PCDHGA6: variants seen among roughly 807,000 people sequenced by gnomAD.
PCDHGA6 encodes protocadherin gamma subfamily A, 6, also known as protocadherin gamma-A6.
In PCDHGA6, 41 loss-of-function variants were observed where a neutral mutation model predicts 60.6. The ratio of observed to expected loss-of-function variants is 0.68; its 90% CI spans 0.53 to 0.88. The LOEUF is 0.88. PCDHGA6 is among the 40% of genes least tolerant of loss of function. The pLI is 0.00. For synonymous variants in PCDHGA6, 594 were observed against 524.4 expected (o/e 1.13, Z -1.81); for missense variants, 1,312 against 1,203.0 (o/e 1.09, Z -1.34).
chr5:141,398,105 G>A (rs778559832), intron 1 of PCDHGA6: 2 of 1,595,534 alleles, frequency 1.3e-6, no homozygotes, highest in East Asian at 4.5e-5. Context: ...AGGCTGGTGA[G>A]CAAGCTGAGG....
chr5:141,433,359 C>CTATCTATCTATA, intron 1 of PCDHGA6: 1 of 228,708 alleles, frequency 4.4e-6, no homozygotes, highest in South Asian at 4.1e-5. Context: ...TACTGTCTGC[C>CTATCTATCTATA]TATCTATCTA....
chr5:141,383,377 C>G (rs527434740), intron 1 of PCDHGA6: 1 of 1,614,010 alleles, frequency 6.2e-7, no homozygotes, highest in African/African-American at 1.3e-5. Context: ...GGCTGGGGAT[C>G]CAGATGTGGG....
intron 1 of PCDHGA6, chr5:141,422,570 A>G: frequency 6.2e-7 from 1 of 1,614,012 alleles, no homozygotes; most frequent in African/African-American, 1.3e-5. Flanking sequence ...GATGACAACG[A>G]TAACCCTCCC....
chr5:141,497,509 C>T (rs1282025317), intron 2 of PCDHGA6, among the ~76,000 whole-genome samples: 1 of 151,184 alleles, frequency 6.6e-6, no homozygotes, highest in Non-Finnish European at 1.5e-5. Flanking sequence ...CTCTCTGCTT[C>T]CTTAGTTAAC....
intron 1 of PCDHGA6, chr5:141,412,213 C>T (rs1467971455): frequency 6.6e-6 from 1 of 152,224 alleles, no homozygotes; most frequent in Non-Finnish European, 1.5e-5. Context: ...TTGACATAAA[C>T]ACTTACTTGT....
intron 1 of PCDHGA6, among the ~76,000 whole-genome samples, chr5:141,449,708 A>G (rs2098652470): frequency 6.6e-6 from 1 of 151,418 alleles, no homozygotes; most frequent in African/African-American, 2.4e-5. Context: ...CAAACACATT[A>G]TTTTTATATG....
intron 1 of PCDHGA6, among the ~76,000 whole-genome samples, chr5:141,456,707 G>A (rs1198079338): frequency 6.6e-6 from 1 of 152,208 alleles, no homozygotes; most frequent in African/African-American, 2.4e-5. Context: ...GCTCGCGCCT[G>A]TAATCCCAGC....
chr5:141,466,147 G>A (rs2099117729), intron 1 of PCDHGA6, among the ~76,000 whole-genome samples: 1 of 151,722 alleles, frequency 6.6e-6, no homozygotes, highest in South Asian at 2.1e-4. Flanking sequence ...TGAAAACTCT[G>A]GTCTTAAACT....
At position 141,375,343 on chromosome 5, in the gene PCDHGA6, C is replaced by T. The variant is rs114810218; in HGVS notation, c.1260C>T (p.Ile420=). 5.4e-3 allele frequency: 8,654 copies of T among 1,613,832 alleles called. 30 individuals are homozygous for T. Among genetic ancestry groups the T allele is most frequent in the Non-Finnish European group, 6.4e-3 (7,546 of 1,179,894 alleles). The stretch of plus-strand genomic sequence containing the variant: ...GGGAAGAGGTATTCTTGTACAACAT[C>T]ACTGTGACAGCCACGGACAAAGGAA... The part of the protein sequence containing the change: ...LDREEVFLYN[I]TVTATDKGTP... The change falls in exon 1 of 4, where the codon ATC becomes ATT. Residue 420 remains isoleucine (I), a synonymous_variant. Transcript: ENST00000517434.
chr5:141,438,658 G>GTA (rs2098048375), intron 1 of PCDHGA6, among the ~76,000 whole-genome samples: 7 of 77,996 alleles, frequency 9.0e-5, no homozygotes, highest in African/African-American at 1.9e-4. Flanking sequence ...ACACATATAT[G>GTA]TATATATATA....
intron 1 of PCDHGA6, among the ~76,000 whole-genome samples, chr5:141,447,650 T>G (rs555134653): frequency 1.3e-5 from 2 of 151,988 alleles, no homozygotes; most frequent in Non-Finnish European, 2.9e-5. Flanking sequence ...GGTAGAATTT[T>G]CCCCCCCAGG....
rs765353257 is a variant in PCDHGA6 at position 141,431,824 on chromosome 5, G to A, written c.2424+55317G>A. On this transcript the variant is annotated intron_variant, in intron 1 of 3. Coordinates refer to ENST00000517434, the MANE Select transcript of PCDHGA6 (RefSeq NM_018919.3). The surrounding 1 kb of genome is among the most constrained non-coding windows in gnomAD (Gnocchi z 4.8). ...TGGTCCTCACCTCTCTCGCCAGCTC[G>A]GTTCCCGAAAACTCTCCCAGAGGGA... is the stretch of plus-strand genomic sequence containing the variant. The A allele has an allele frequency of 1.3e-5, 21 of 1,614,092 alleles. No homozygotes were observed. In the South Asian group the frequency reaches 2.1e-4, roughly 16 times the overall value.
At position 141,485,305 on chromosome 5, in the gene PCDHGA6, T is replaced by C. The variant is rs1344645695; in HGVS notation, c.2425-9502T>C. The C allele has an allele frequency of 3.7e-6, 6 of 1,614,000 alleles. No individual in the cohort carries two copies. In the East Asian group the frequency reaches 1.3e-4, roughly 36 times the overall value. Reference sequence around the variant, plus strand: ...CAGAGGAGTCACAGGAAGGGACTTTTGTAGGGAATGTCGCTCAAGATTTCC... The same window carrying C: ...CAGAGGAGTCACAGGAAGGGACTTTCGTAGGGAATGTCGCTCAAGATTTCC... On this transcript the variant is annotated intron_variant, in intron 1 of 3. Coordinates refer to ENST00000517434, the MANE Select transcript of PCDHGA6 (RefSeq NM_018919.3). This position sits in a 1 kb window ranked among gnomAD's most constrained non-coding sequence, Gnocchi z 5.7.
At chr5:141,510,626 AGGTG>A (rs2099882005) in intron 3 of PCDHGA6, among the ~76,000 whole-genome samples, 1 of 152,144 alleles carries the variant, frequency 6.6e-6, no homozygotes, top group Admixed American at 6.5e-5. Context: ...AAACCAGAAG[AGGTG>A]GTTACCATTA....
In PCDHGA6 at chr5:141,394,620, T is replaced by C. The variant is rs775736772; in HGVS notation, c.2424+18113T>C. The C allele has an allele frequency of 8.1e-6, 13 of 1,613,124 alleles. 1 individual carries two copies. In the South Asian group the frequency reaches 1.4e-4, roughly 18 times the overall value. ...GGACAGAGACTCGGGCCAGAACGCC[T>C]GGCTGTCCTACCGCCTGCTCAAGGC... On this transcript the variant is annotated intron_variant, in intron 1 of 3. Coordinates refer to ENST00000517434, the MANE Select transcript of PCDHGA6 (RefSeq NM_018919.3).
intron 1 of PCDHGA6, chr5:141,392,785 T>C: frequency 1.3e-6 from 2 of 1,549,118 alleles, no homozygotes; most frequent in Non-Finnish European, 1.7e-6. Flanking sequence ...ACAGTGAAGA[T>C]TCTGAGAGGA....
chr5:141,409,882 G>A, intron 1 of PCDHGA6: 1 of 1,613,006 alleles, frequency 6.2e-7, no homozygotes, highest in Non-Finnish European at 8.5e-7. Context: ...ACAACGCACC[G>A]CGGGTGCTGT....
chr5:141,509,298 C>A (rs974744333), intron 3 of PCDHGA6, among the ~76,000 whole-genome samples: 1 of 152,180 alleles, frequency 6.6e-6, no homozygotes, highest in Non-Finnish European at 1.5e-5. Flanking sequence ...AGGGTGGAGG[C>A]AGAGGGAGGC....
rs2099425622 is a variant in PCDHGA6, at chr5:141,477,947, T to C, written c.2425-16860T>C. Reference sequence around the variant, plus strand: ...CAATGCCTGGCTCTCCTACAGTCTCTTGGGATCCCCTAACCAGAGCCTTTT... The same window carrying C: ...CAATGCCTGGCTCTCCTACAGTCTCCTGGGATCCCCTAACCAGAGCCTTTT... On this transcript the variant is annotated intron_variant, in intron 1 of 3. Coordinates refer to ENST00000517434, the MANE Select transcript of PCDHGA6 (RefSeq NM_018919.3). The surrounding 1 kb of genome is among the most constrained non-coding windows in gnomAD (Gnocchi z 4.9). 1.9e-6 allele frequency: 3 copies of C among 1,614,132 alleles called. No homozygotes were observed. Among genetic ancestry groups the C allele is most frequent in the Non-Finnish European group, 2.5e-6 (3 of 1,180,018 alleles).
Sources: allele counts gnomAD v4.1 joint callset (sites outside exome capture counted in the v4.1 genomes callset), GRCh38; gene constraint gnomAD v4.1.1; non-coding constraint Gnocchi (gnomAD v3.1); transcripts MANE v1.5; gene names NCBI Gene and HGNC (gene_info 2026-07-23, HGNC 2026-07-21).